Variants in FAM135B observed in about 807,000 individuals in gnomAD.
FAM135B encodes the protein protein FAM135B.
FAM135B carries 43 observed loss-of-function variants against 127.7 expected under a neutral mutation model. The observed-to-expected ratio is 0.34, with a 90% confidence interval of 0.26 to 0.43. The LOEUF (loss-of-function observed/expected upper bound fraction) is 0.43, where lower values mean the gene tolerates loss of function less well. Ranked by LOEUF, FAM135B falls within the 20% of genes least tolerant of loss-of-function variation. The pLI is 1.00. For missense variants in FAM135B, 1,558 were observed against 1,725.6 expected, an observed-to-expected ratio of 0.90 and a Z score of 1.72; for synonymous variants, 670 against 665.1, an observed-to-expected ratio of 1.01 and a Z score of -0.11.
At chr8:138,465,587 C>A (rs1240158773) in intron 1 of FAM135B, among the ~76,000 whole-genome samples, 1 of 152,130 alleles carries the variant, frequency 6.6e-6, no homozygotes, top group East Asian at 1.9e-4. Flanking sequence ...GAGGCTTGTG[C>A]CTTTGCCCAA....
intron 11 of FAM135B, among the ~76,000 whole-genome samples, chr8:138,171,418 T>C (rs1000278647): frequency 6.6e-6 from 1 of 152,160 alleles, no homozygotes; most frequent in Admixed American, 6.5e-5. Flanking sequence ...GCTCTGTGTT[T>C]TTACAATGCC....
chr8:138,223,371 G>A (rs930102480), intron 7 of FAM135B, among the ~76,000 whole-genome samples: 4 of 152,330 alleles, frequency 2.6e-5, no homozygotes, highest in East Asian at 3.9e-4. Flanking sequence ...AACTGTAACC[G>A]TTGAAATGAT....
chr8:138,160,063 T>C (rs1214833789), intron 12 of FAM135B, among the ~76,000 whole-genome samples: 1 of 151,988 alleles, frequency 6.6e-6, no homozygotes, highest in East Asian at 1.9e-4. Context: ...TAACCCCCGA[T>C]AAACACTCTG....
intron 1 of FAM135B, among the ~76,000 whole-genome samples, chr8:138,381,337 A>G (rs1029540144): frequency 6.6e-6 from 1 of 151,964 alleles, no homozygotes; most frequent in Admixed American, 6.6e-5. Flanking sequence ...CCCACCTTGC[A>G]CCTCTCTACC....
At chr8:138,181,740 G>C (rs1205302313) in intron 9 of FAM135B, among the ~76,000 whole-genome samples, 1 of 151,684 alleles carries the variant, frequency 6.6e-6, no homozygotes, top group African/African-American at 2.4e-5. Context: ...TTTAAATTCA[G>C]AGAGTCCACA....
chr8:138,137,453 C>T (rs1435633570), intron 18 of FAM135B, among the ~76,000 whole-genome samples, 193 bp from the exon 19 acceptor site: 1 of 152,002 alleles, frequency 6.6e-6, no homozygotes, highest in African/African-American at 2.4e-5. Context: ...AGAGGTATCG[C>T]GGGGGCCTAT....
At chr8:138,272,433 T>TA (rs1302006466) in intron 3 of FAM135B, among the ~76,000 whole-genome samples, 1 of 152,202 alleles carries the variant, frequency 6.6e-6, no homozygotes, top group African/African-American at 2.4e-5. Flanking sequence ...ACAAAGCAGA[T>TA]ACCATGCTCT....
intron 1 of FAM135B, among the ~76,000 whole-genome samples, chr8:138,400,199 C>G (rs1333134770): frequency 6.6e-6 from 1 of 152,122 alleles, no homozygotes; most frequent in Non-Finnish European, 1.5e-5. Flanking sequence ...GGGAGCCTGG[C>G]TAATGCTGAA....
intron 1 of FAM135B, among the ~76,000 whole-genome samples, chr8:138,493,574 G>A (rs187303436): frequency 6.6e-6 from 1 of 152,250 alleles, no homozygotes; most frequent in Non-Finnish European, 1.5e-5. Flanking sequence ...ACAATGCTAT[G>A]CAGATAAGGC....
intron 4 of FAM135B, 148 bp downstream of exon 4, chr8:138,265,555 T>C: frequency 1.3e-6 from 1 of 792,156 alleles, no homozygotes; most frequent in Non-Finnish European, 2.0e-6. Context: ...AATACATAAA[T>C]AAGTGCATGA....
chr8:138,436,018 CT>C (rs1835434145), intron 1 of FAM135B, among the ~76,000 whole-genome samples: 1 of 152,206 alleles, frequency 6.6e-6, no homozygotes, highest in African/African-American at 2.4e-5. Context: ...ACTATACTAT[CT>C]GTGACAGCCT....
At chr8:138,262,584 C>A (rs927722739) in intron 4 of FAM135B, among the ~76,000 whole-genome samples, 6 of 152,032 alleles carry the variant, frequency 3.9e-5, no homozygotes, top group Non-Finnish European at 7.4e-5. Flanking sequence ...GGGTGATTTA[C>A]AAAGTGTGTG....
intron 3 of FAM135B, among the ~76,000 whole-genome samples, chr8:138,278,553 ATTTTTTTTTTT>A (rs557719866): frequency 8.3e-5 from 5 of 60,472 alleles, no homozygotes; most frequent in Non-Finnish European, 1.2e-4. Flanking sequence ...TAAGAACATG[ATTTTTTTTTTT>A]TTTTTTTTTT....
At chr8:138,160,958 A>G (rs1009435247) in intron 12 of FAM135B, among the ~76,000 whole-genome samples, 1 of 152,208 alleles carries the variant, frequency 6.6e-6, no homozygotes, top group Non-Finnish European at 1.5e-5. Context: ...CAATTCTGAC[A>G]TTGCCATTTA....
chr8:138,176,048 G>GA (rs1814434847), intron 11 of FAM135B, among the ~76,000 whole-genome samples: 1 of 152,132 alleles, frequency 6.6e-6, no homozygotes, highest in East Asian at 1.9e-4. Flanking sequence ...ATGGGGGTGA[G>GA]AAAAAAACAA....
chr8:138,194,373 T>A (rs561987801), intron 9 of FAM135B, among the ~76,000 whole-genome samples: 1 of 152,276 alleles, frequency 6.6e-6, no homozygotes, highest in East Asian at 1.9e-4. Flanking sequence ...TTTTACTAAC[T>A]TTGTAACATG....
chr8:138,291,271 T>C (rs1173097801), intron 3 of FAM135B, among the ~76,000 whole-genome samples: 1 of 152,156 alleles, frequency 6.6e-6, no homozygotes, highest in Non-Finnish European at 1.5e-5. Context: ...AGCATATTTA[T>C]TGACCAGGCA....
chr8:138,360,541 T>C (rs1399189477), intron 2 of FAM135B, among the ~76,000 whole-genome samples: 1 of 152,228 alleles, frequency 6.6e-6, no homozygotes, highest in East Asian at 1.9e-4. Context: ...AATCTGGTTA[T>C]GAAAGTAGAA....
At chr8:138,321,983 CA>C (rs913207529) in intron 2 of FAM135B, among the ~76,000 whole-genome samples, 4 of 152,152 alleles carry the variant, frequency 2.6e-5, no homozygotes, top group Non-Finnish European at 4.4e-5. Flanking sequence ...ATGACTCTCT[CA>C]AAACCGGTCT....
Sources: gnomAD v4.1 joint callset for allele counts (sites outside exome capture counted in the v4.1 genomes callset) on GRCh38, gnomAD v4.1.1 for gene constraint, MANE v1.5 for transcripts, NCBI Gene and HGNC (gene_info 2026-07-23, HGNC 2026-07-21) for gene names.